The following COX10 variants were observed in gnomAD, a reference collection of about 807,000 sequenced individuals.
COX10 encodes protoheme IX farnesyltransferase, mitochondrial.
COX10 carries 27 observed loss-of-function variants against 37.3 expected under a neutral mutation model. The ratio of observed to expected loss-of-function variants is 0.72; its 90% CI spans 0.53 to 1.00. The LOEUF (loss-of-function observed/expected upper bound fraction) is 1.00. Ranked by LOEUF, COX10 falls within the 50% of genes least tolerant of loss-of-function variation. COX10 has a pLI of 0.00. For synonymous variants in COX10, 222 were observed against 229.1 expected (o/e 0.97, Z 0.28); for missense variants, 475 against 563.2 (o/e 0.84, Z 1.59).
intron 4 of COX10, among the ~76,000 whole-genome samples, chr17:14,117,086 TGTTA>T (rs1042839312): frequency 3.3e-5 from 5 of 152,252 alleles, no homozygotes; most frequent in Non-Finnish European, 7.3e-5. Flanking sequence ...TTTCCCTTTT[TGTTA>T]GTTGTCAGTA....
intron 3 of COX10, among the ~76,000 whole-genome samples, chr17:14,100,818 G>T (rs747568068): frequency 1.0e-5 from 1 of 95,666 alleles, no homozygotes; most frequent in Non-Finnish European, 2.2e-5. Flanking sequence ...GACCAGTTAG[G>T]GGGTAAAGCT....
intron 4 of COX10, among the ~76,000 whole-genome samples, chr17:14,150,549 T>C (rs1904864582): frequency 6.6e-6 from 1 of 152,160 alleles, no homozygotes; most frequent in Non-Finnish European, 1.5e-5. Context: ...AACCTGACCA[T>C]TGGAATTAAT....
chr17:14,090,040 G>A (rs1042768977), intron 3 of COX10, among the ~76,000 whole-genome samples: 18 of 151,908 alleles, frequency 1.2e-4, no homozygotes, highest in African/African-American at 4.3e-4. Context: ...TCTCTCCTCT[G>A]CCTGTTCTCC....
intron 5 of COX10, among the ~76,000 whole-genome samples, chr17:14,166,612 CTTTTT>C (rs71147845): frequency 1.2e-4 from 12 of 96,548 alleles, no homozygotes; most frequent in African/African-American, 3.5e-4. Flanking sequence ...TCAATTCGAC[CTTTTT>C]TTTTTTTTTT....
intron 1 of COX10, among the ~76,000 whole-genome samples, chr17:14,071,730 C>CAAAA (rs57780115): frequency 5.3e-5 from 6 of 113,232 alleles, no homozygotes; most frequent in Non-Finnish European, 6.9e-5. Flanking sequence ...CTAAAAATAC[C>CAAAA]AAAAAAAAAA....
intron 4 of COX10, among the ~76,000 whole-genome samples, chr17:14,157,967 A>G (rs998822407): frequency 6.6e-6 from 1 of 152,142 alleles, no homozygotes; most frequent in Middle Eastern, 3.2e-3. Context: ...GGTGGTTATC[A>G]TTATTGGTAT....
chr17:14,109,433 G>T (rs1461422493), intron 4 of COX10, among the ~76,000 whole-genome samples: 6 of 152,104 alleles, frequency 3.9e-5, no homozygotes, highest in African/African-American at 2.4e-5. Flanking sequence ...GTGAGGTTTT[G>T]CCAACAAATG....
chr17:14,071,730 C>CAAAAAAAAAAAAAAAAAAAAAA (rs57780115), intron 1 of COX10, among the ~76,000 whole-genome samples: 1 of 113,262 alleles, frequency 8.8e-6, no homozygotes, highest in Non-Finnish European at 1.7e-5. Context: ...CTAAAAATAC[C>CAAAAAAAAAAAAAAAAAAAAAA]AAAAAAAAAA....
chr17:14,120,054 G>A (rs1916197456), intron 4 of COX10, among the ~76,000 whole-genome samples: 1 of 152,108 alleles, frequency 6.6e-6, no homozygotes, highest in Admixed American at 6.6e-5. Context: ...ATATTTAGAG[G>A]TTGATTAGCA....
At chr17:14,171,054 A>G (rs909904070) in intron 5 of COX10, among the ~76,000 whole-genome samples, 4 of 152,176 alleles carry the variant, frequency 2.6e-5, no homozygotes, top group Non-Finnish European at 5.9e-5. Context: ...GGGAGAAGTA[A>G]GCAAAAACAC....
At position 14,139,062 on chromosome 17, in the gene COX10, G is replaced by A. The variant is rs773279134; in HGVS notation, c.625-20815G>A. 7.2e-5 allele frequency among the ~76,000 whole-genome samples: 11 copies of A among 152,330 alleles called. No homozygotes were observed. In the East Asian group the frequency reaches 9.6e-4, roughly 13 times the overall value. ...ATAATGCCTCCTGATTAGGGTTACA[G>A]TGAGGATTACATGAAATAATACACA... On this transcript the variant is annotated intron_variant, in intron 4 of 6. Coordinates refer to ENST00000261643, the MANE Select transcript of COX10 (RefSeq NM_001303.4).
intron 4 of COX10, among the ~76,000 whole-genome samples, chr17:14,138,763 C>G (rs562681956): frequency 6.6e-6 from 1 of 152,284 alleles, no homozygotes; most frequent in Admixed American, 6.5e-5. Context: ...AGTGTCTTAT[C>G]TCTTGAGCTG....
chr17:14,087,257 G>T (rs1323488099), intron 3 of COX10, among the ~76,000 whole-genome samples: 1 of 152,108 alleles, frequency 6.6e-6, no homozygotes, highest in East Asian at 1.9e-4. Context: ...AATATATTCA[G>T]CCTCTTATTC....
rs1906716154 is a variant in COX10 at position 14,206,832 on chromosome 17, C to A, written c.951C>A (p.Ile317=). The A allele has an allele frequency of 1.2e-6, 2 of 1,614,090 alleles. No homozygotes were observed. Among genetic ancestry groups the A allele is most frequent in the African/African-American group, 2.7e-5 (2 of 74,942 alleles). ...CAGGCGCATTTCTCCTGGGAGGAAT[C>A]CTCTACTCCTGGCAGTTTCCTCATT... ...LDAGAFLLGG[I]LYSWQFPHFN... Residue 317 remains isoleucine, a synonymous_variant, in exon 7 of 7, where the codon ATC becomes ATA. Coordinates refer to ENST00000261643, the MANE Select transcript of COX10 (RefSeq NM_001303.4).
intron 3 of COX10, among the ~76,000 whole-genome samples, chr17:14,089,863 C>G (rs867881118): frequency 6.6e-6 from 1 of 152,120 alleles, no homozygotes; most frequent in African/African-American, 2.4e-5. Flanking sequence ...TTGAGACACA[C>G]TCTTCTAATC....
intron 4 of COX10, among the ~76,000 whole-genome samples, chr17:14,156,578 A>G (rs866238677): frequency 2.6e-5 from 4 of 152,126 alleles, no homozygotes; most frequent in Admixed American, 6.5e-5. Context: ...TAGGCTCTTA[A>G]TCAGTCTGCT....
At chr17:14,099,140 T>C (rs992128744) in intron 3 of COX10, among the ~76,000 whole-genome samples, 18 of 152,130 alleles carry the variant, frequency 1.2e-4, no homozygotes, top group Admixed American at 1.1e-3. Context: ...AACCTTGCTC[T>C]CTACTTATAT....
chr17:14,073,602 A>G (rs1047059429), intron 1 of COX10, among the ~76,000 whole-genome samples: 4 of 152,198 alleles, frequency 2.6e-5, no homozygotes, highest in African/African-American at 9.6e-5. Flanking sequence ...GAACATGGAT[A>G]CCTTAAGGTG....
At chr17:14,175,313 G>T (rs1356879028) in intron 5 of COX10, among the ~76,000 whole-genome samples, 1 of 151,648 alleles carries the variant, frequency 6.6e-6, no homozygotes, top group Non-Finnish European at 1.5e-5. Context: ...TTTTTCCTTG[G>T]GGAATAGAAT....
Sources: allele counts gnomAD v4.1 joint callset (sites outside exome capture counted in the v4.1 genomes callset), GRCh38; gene constraint gnomAD v4.1.1; transcripts MANE v1.5; gene names NCBI Gene and HGNC (gene_info 2026-07-23, HGNC 2026-07-21).